GABRB1: variants seen among roughly 807,000 people sequenced by gnomAD.
GABRB1 encodes gamma-aminobutyric acid receptor subunit beta-1.
GABRB1 carries 17 observed loss-of-function variants against 51.6 expected under a neutral mutation model. The observed-to-expected ratio is 0.33, with a 90% confidence interval of 0.23 to 0.49. GABRB1 has a LOEUF of 0.49. GABRB1 is among the 20% of genes least tolerant of loss of function. The pLI is 0.99. For missense variants in GABRB1, 410 were observed against 600.6 expected, an observed-to-expected ratio of 0.68 and a Z score of 3.32; for synonymous variants, 247 against 218.9, an observed-to-expected ratio of 1.13 and a Z score of -1.14.
chr4:47,052,642 T>A lies in GABRB1; in HGVS notation c.240+20158T>A, dbSNP rs145707454. On this transcript the variant is annotated intron_variant, in intron 3 of 8. Transcript: ENST00000295454. ...AAGAATTCAAGATCAATGCTGTAAA[T>A]TTCTCAGAGGCACAAACCCTGTTGT... Among the ~76,000 whole-genome samples the A allele has an allele frequency of 9.3e-4, 142 of 152,320 alleles. 2 individuals carry two copies. Among genetic ancestry groups the A allele is most frequent in the African/African-American group, 3.1e-3 (130 of 41,574 alleles).
At chr4:47,030,092 A>G (rs1034923982), upstream of GABRB1, among the ~76,000 whole-genome samples, 2 of 152,074 alleles carry the variant, frequency 1.3e-5, no homozygotes, top group Non-Finnish European at 2.9e-5. Flanking sequence ...CAAATTGGTT[A>G]TATTTCTTAC....
At chr4:47,339,157 GT>G (rs1248309654) in intron 5 of GABRB1, among the ~76,000 whole-genome samples, 1 of 152,174 alleles carries the variant, frequency 6.6e-6, no homozygotes, top group Non-Finnish European at 1.5e-5. Flanking sequence ...AGTAGGAAAT[GT>G]AATGCAGGAG....
At chr4:47,384,516 T>C (rs1727716537) in intron 5 of GABRB1, among the ~76,000 whole-genome samples, 2 of 152,006 alleles carry the variant, frequency 1.3e-5, no homozygotes. Flanking sequence ...AGGATACACA[T>C]GACTCTTCAA....
At chr4:47,324,720 A>T (rs1449517626) in intron 5 of GABRB1, among the ~76,000 whole-genome samples, 19 of 152,234 alleles carry the variant, frequency 1.2e-4, no homozygotes. Flanking sequence ...AGATTGATGT[A>T]CTAGCACTCT....
intron 4 of GABRB1, among the ~76,000 whole-genome samples, chr4:47,175,269 G>A (rs1001588349): frequency 6.8e-6 from 1 of 147,508 alleles, no homozygotes; most frequent in Non-Finnish European, 1.5e-5. Context: ...TGTTGCTCAG[G>A]CTTGTCTCAA....
intron 1 of GABRB1, among the ~76,000 whole-genome samples, chr4:47,007,169 G>A (rs1724430471): frequency 6.6e-6 from 1 of 151,374 alleles, no homozygotes; most frequent in Non-Finnish European, 1.5e-5. Flanking sequence ...AGAAAAGAAA[G>A]TACATAAACT....
chr4:47,032,072 T>TAAAA, intron 2 of GABRB1, 67 bp downstream of exon 2: 1 of 713,214 alleles, frequency 1.4e-6, no homozygotes, highest in South Asian at 2.3e-5. Context: ...AAGATAAATG[T>TAAAA]CAAAAAAAAA....
At chr4:47,308,921 T>C (rs889339864) in intron 4 of GABRB1, among the ~76,000 whole-genome samples, 6 of 152,138 alleles carry the variant, frequency 3.9e-5, no homozygotes, top group Admixed American at 2.0e-4. Context: ...AAGAAACTAT[T>C]GCTATCGTTT....
chr4:47,123,283 A>G (rs1380364587), intron 3 of GABRB1, among the ~76,000 whole-genome samples: 1 of 140,838 alleles, frequency 7.1e-6, no homozygotes, highest in Non-Finnish European at 1.5e-5. Context: ...ATTTATACAT[A>G]TATATGATTA....
At chr4:47,400,584 C>CT (rs1185534016) in intron 5 of GABRB1, among the ~76,000 whole-genome samples, 2 of 150,538 alleles carry the variant, frequency 1.3e-5, no homozygotes, top group East Asian at 1.9e-4. Context: ...TCTTCTCTCT[C>CT]TTTTTTTTCA....
At chr4:47,219,740 C>A (rs1016483529) in intron 4 of GABRB1, among the ~76,000 whole-genome samples, 1 of 151,878 alleles carries the variant, frequency 6.6e-6, no homozygotes, top group Admixed American at 6.6e-5. Flanking sequence ...GTGGAATTAC[C>A]TTATTTCCAA....
intron 4 of GABRB1, among the ~76,000 whole-genome samples, chr4:47,303,141 T>C (rs1724323952): frequency 6.6e-6 from 1 of 151,930 alleles, no homozygotes; most frequent in Non-Finnish European, 1.5e-5. Flanking sequence ...ACTAAAACTT[T>C]ATTTTAAAAA....
intron 3 of GABRB1, among the ~76,000 whole-genome samples, chr4:47,100,290 C>T (rs1714666756): frequency 6.6e-6 from 1 of 152,068 alleles, no homozygotes; most frequent in South Asian, 2.1e-4. Context: ...ACCTAATAGC[C>T]TAAAACGACT....
At chr4:47,209,877 T>C (rs983289976) in intron 4 of GABRB1, among the ~76,000 whole-genome samples, 1 of 151,966 alleles carries the variant, frequency 6.6e-6, no homozygotes, top group Non-Finnish European at 1.5e-5. Flanking sequence ...TGGGTATATA[T>C]GTTTTCCCTA....
intron 4 of GABRB1, among the ~76,000 whole-genome samples, chr4:47,277,006 C>G (rs1723107930): frequency 6.6e-6 from 1 of 151,994 alleles, no homozygotes; most frequent in South Asian, 2.1e-4. Context: ...AGGTAGGATT[C>G]TAGGGGTCCT....
At chr4:47,396,975 C>T (rs1267541392) in intron 5 of GABRB1, among the ~76,000 whole-genome samples, 3 of 152,024 alleles carry the variant, frequency 2.0e-5, no homozygotes, top group Non-Finnish European at 4.4e-5. Flanking sequence ...TATCCTTTTA[C>T]TATATTCTCA....
chr4:47,093,360 T>C (rs966012603), intron 3 of GABRB1, among the ~76,000 whole-genome samples: 4 of 152,242 alleles, frequency 2.6e-5, no homozygotes, highest in African/African-American at 9.6e-5. Context: ...GCTATGGCTG[T>C]CCATTATTCT....
chr4:47,278,767 G>A (rs1723172965), intron 4 of GABRB1, among the ~76,000 whole-genome samples: 1 of 152,062 alleles, frequency 6.6e-6, no homozygotes, highest in Non-Finnish European at 1.5e-5. Flanking sequence ...GACAATTTCA[G>A]TTGCCAGACC....
intron 8 of GABRB1, among the ~76,000 whole-genome samples, chr4:47,414,844 C>T (rs1268305935): frequency 6.6e-6 from 1 of 152,194 alleles, no homozygotes; most frequent in Non-Finnish European, 1.5e-5. Context: ...GTATACAGCT[C>T]TGTCTTTAGG....
Sources: gnomAD v4.1 joint callset for allele counts (sites outside exome capture counted in the v4.1 genomes callset) on GRCh38, gnomAD v4.1.1 for gene constraint, MANE v1.5 for transcripts, NCBI Gene and HGNC (gene_info 2026-07-23, HGNC 2026-07-21) for gene names.